DCDC1: variants seen among roughly 807,000 people sequenced by gnomAD.
DCDC1 encodes the protein doublecortin domain containing 1, also known as doublecortin domain-containing protein 1.
DCDC1 carries 200 observed loss-of-function variants against 178.3 expected under a neutral mutation model. The observed-to-expected ratio is 1.12, with a 90% confidence interval of 1.00 to 1.26. The LOEUF (loss-of-function observed/expected upper bound fraction) is 1.26. Among genes scored for constraint, DCDC1 ranks in the 50% most tolerant of loss-of-function variants. The pLI is 0.00. For synonymous variants in DCDC1, 690 were observed against 604.8 expected (o/e 1.14, Z -2.07); for missense variants, 1,983 against 1,749.2 (o/e 1.13, Z -2.38).
intron 9 of DCDC1, among the ~76,000 whole-genome samples, chr11:31,238,214 TAC>T (rs1976681636): frequency 2.0e-5 from 3 of 152,092 alleles, no homozygotes; most frequent in Non-Finnish European, 4.4e-5. Context: ...ATCACATTTG[TAC>T]TTAACACTGC....
chr11:31,082,965 C>T (rs1490329943), intron 17 of DCDC1, among the ~76,000 whole-genome samples: 2 of 152,168 alleles, frequency 1.3e-5, no homozygotes, highest in Non-Finnish European at 2.9e-5. Context: ...TGAAATTACA[C>T]ATGGACAACT....
At position 31,058,642 on chromosome 11, in the gene DCDC1, T is replaced by C. The variant is rs533964412; in HGVS notation, c.2591+5827A>G. 1.6e-4 allele frequency among the ~76,000 whole-genome samples: 25 copies of C among 152,174 alleles called. 1 individual carries two copies. The South Asian group carries it at 4.8e-3, about 29-fold the overall frequency. ...GTGGGACATTTAGCATAGACTTTGT[T>C]TTCACTCTAGAGAAAATAAGAAGCC... On this transcript the variant is annotated intron_variant, in intron 20 of 38. Coordinates refer to ENST00000684477, the MANE Select transcript of DCDC1 (RefSeq NM_001387274.1).
chr11:31,097,684 T>C (rs1259749244), intron 15 of DCDC1, among the ~76,000 whole-genome samples: 1 of 152,150 alleles, frequency 6.6e-6, no homozygotes, highest in Non-Finnish European at 1.5e-5. Context: ...GGTCTGAATA[T>C]AAGAGAAGGA....
chr11:31,219,789 T>C (rs949743897), intron 9 of DCDC1, among the ~76,000 whole-genome samples: 1 of 152,178 alleles, frequency 6.6e-6, no homozygotes, highest in South Asian at 2.1e-4. Flanking sequence ...TAAGCACATA[T>C]AAATTTTACC....
intron 20 of DCDC1, among the ~76,000 whole-genome samples, chr11:30,985,284 A>G (rs1430290436): frequency 6.6e-6 from 1 of 152,168 alleles, no homozygotes. Context: ...GAGCAGGTCC[A>G]GGAGAATGCA....
intron 15 of DCDC1, among the ~76,000 whole-genome samples, chr11:31,097,860 T>A (rs138802778): frequency 6.6e-6 from 1 of 152,326 alleles, no homozygotes; most frequent in African/African-American, 2.4e-5. Context: ...GTTTGTCGTT[T>A]CCCAGCCTCC....
At chr11:30,970,047 G>A (rs1386195122) in intron 20 of DCDC1, among the ~76,000 whole-genome samples, 1 of 152,186 alleles carries the variant, frequency 6.6e-6, no homozygotes, top group African/African-American at 2.4e-5. Context: ...CAAGGAAGGA[G>A]GGAAATGAGG....
chr11:31,302,926 C>T (rs1032839961), intron 6 of DCDC1, among the ~76,000 whole-genome samples: 1 of 152,112 alleles, frequency 6.6e-6, no homozygotes, highest in African/African-American at 2.4e-5. Context: ...TATATACTGG[C>T]TTGTTTGGCC....
chr11:31,213,011 T>C (rs1209619476), intron 9 of DCDC1, among the ~76,000 whole-genome samples: 1 of 151,966 alleles, frequency 6.6e-6, no homozygotes, highest in Non-Finnish European at 1.5e-5. Flanking sequence ...CTTCCTTCTC[T>C]CTGCTCCTCA....
At chr11:31,340,193 C>A (rs138075542) in intron 1 of DCDC1, among the ~76,000 whole-genome samples, 1,779 of 151,234 alleles carry the variant, frequency 0.012, 26 homozygotes, top group Non-Finnish European at 0.015. Context: ...GCCTAAAAGG[C>A]CTTTAAGTTA....
chr11:30,980,126 A>G (rs1365004458), intron 20 of DCDC1, among the ~76,000 whole-genome samples: 1 of 152,216 alleles, frequency 6.6e-6, no homozygotes, highest in East Asian at 1.9e-4. Flanking sequence ...ACTAGAGTAG[A>G]CTATAGGACT....
rs1465319826 is a variant in DCDC1, at chr11:31,102,133, A to G, written c.1983+44T>C. 12 of 616,150 alleles carry G rather than the reference A, an allele frequency of 1.9e-5. No individual in the cohort carries two copies. The East Asian group carries it at 3.0e-4, about 15-fold the overall frequency. 38.2% of individuals were successfully genotyped at this position (616,150 alleles called of 1,614,324 possible). On this transcript the variant is annotated intron_variant, in intron 15 of 38. Transcript: ENST00000684477. ...TCATTATATATTGGTTGAGTGTCCA[A>G]TACATAAAGTGCACCTTTTAAAGTA... is the stretch of plus-strand genomic sequence containing the variant.
At chr11:30,943,006 G>A (rs1395937561) in intron 21 of DCDC1, among the ~76,000 whole-genome samples, 1 of 152,164 alleles carries the variant, frequency 6.6e-6, no homozygotes, top group Non-Finnish European at 1.5e-5. Flanking sequence ...ACAACAAAAA[G>A]TACAGATATG....
Position 31,212,757 on chromosome 11 carries a change from A to G in DCDC1, c.1221+28693T>C, listed in dbSNP as rs893111392. 2.6e-5 allele frequency among the ~76,000 whole-genome samples: 4 copies of G among 152,342 alleles called. 1 individual carries two copies. The Middle Eastern group carries it at 0.014, about 518-fold the overall frequency. ...TAGGAAATATCTGGGGAAAAAATAA[A>G]TCTGTATTTTTTTCAGTAATTCTAA... is the stretch of plus-strand genomic sequence containing the variant. On this transcript the variant is annotated intron_variant, in intron 9 of 38. Transcript: ENST00000684477.
intron 9 of DCDC1, among the ~76,000 whole-genome samples, chr11:31,146,898 T>C (rs1964513166): frequency 6.6e-6 from 1 of 152,094 alleles, no homozygotes; most frequent in South Asian, 2.1e-4. Flanking sequence ...AAACCAAGCG[T>C]GGTTCAGAAA....
rs752179499 is a variant in DCDC1 at position 31,353,738 on chromosome 11, C to G, written c.-125+15959G>C. On this transcript the variant is annotated intron_variant, in intron 1 of 38. Coordinates refer to ENST00000684477, the MANE Select transcript of DCDC1 (RefSeq NM_001387274.1). ...CCTACTAATTAGCACTGCTAAACTT[C>G]GAAGCATGAACAGAATAAGCACAGT... 2.0e-5 allele frequency among the ~76,000 whole-genome samples: 3 copies of G among 152,128 alleles called. No individual in the cohort carries two copies. In the East Asian group the frequency reaches 5.8e-4, roughly 29 times the overall value.
chr11:30,873,702 A>G (rs1412742175), intron 38 of DCDC1, among the ~76,000 whole-genome samples: 1 of 152,204 alleles, frequency 6.6e-6, no homozygotes, highest in Non-Finnish European at 1.5e-5. Flanking sequence ...CAGGAGAAAG[A>G]GCAATGATGG....
intron 9 of DCDC1, among the ~76,000 whole-genome samples, chr11:31,165,784 G>T (rs1324410430): frequency 6.6e-6 from 1 of 152,116 alleles, no homozygotes; most frequent in African/African-American, 2.4e-5. Context: ...CTTTGATGAG[G>T]AGGTTGTAGT....
intron 9 of DCDC1, among the ~76,000 whole-genome samples, chr11:31,222,291 T>C (rs1974360353): frequency 6.6e-6 from 1 of 152,102 alleles, no homozygotes; most frequent in East Asian, 1.9e-4. Flanking sequence ...CTAGAACTCC[T>C]GAGTTCAGGT....
Sources: allele counts gnomAD v4.1 joint callset (sites outside exome capture counted in the v4.1 genomes callset), GRCh38; gene constraint gnomAD v4.1.1; transcripts MANE v1.5; gene names NCBI Gene and HGNC (gene_info 2026-07-23, HGNC 2026-07-21).